Variants in MACROD1 observed in about 807,000 individuals in gnomAD.
MACROD1 encodes the protein mono-ADP ribosylhydrolase 1.
In MACROD1, 31 loss-of-function variants were observed where a neutral mutation model predicts 41.4. That is an observed-to-expected ratio of 0.75 (90% CI 0.56 to 1.01). The LOEUF (loss-of-function observed/expected upper bound fraction) is 1.01. Among genes scored for constraint, MACROD1 ranks in the 50% least tolerant of loss-of-function variants. MACROD1 has a pLI of 0.00. For synonymous variants in MACROD1, 252 were observed against 203.4 expected (o/e 1.24, Z -2.03); for missense variants, 473 against 460.0 (o/e 1.03, Z -0.26).
intron 3 of MACROD1, among the ~76,000 whole-genome samples, chr11:64,101,489 C>G (rs942318331): frequency 2.6e-5 from 4 of 152,140 alleles, no homozygotes; most frequent in African/African-American, 9.7e-5. Context: ...TCCCAGGACA[C>G]GGCAATCATC....
chr11:64,038,850 C>G (rs577483899), intron 3 of MACROD1, among the ~76,000 whole-genome samples: 1 of 152,318 alleles, frequency 6.6e-6, no homozygotes, highest in Middle Eastern at 3.4e-3. Flanking sequence ...GGTTTCTCTA[C>G]CTGGCCTGCT....
At chr11:64,038,431 C>T (rs1052599823) in intron 3 of MACROD1, among the ~76,000 whole-genome samples, 8 of 152,184 alleles carry the variant, frequency 5.3e-5, no homozygotes, top group Admixed American at 5.2e-4. Flanking sequence ...GTGCTTGCTT[C>T]GAAGTTAGCT....
Position 64,067,374 on chromosome 11 carries a change from A to T in MACROD1, c.518-52093T>A, listed in dbSNP as rs1341320306. 6.6e-6 allele frequency among the ~76,000 whole-genome samples: 1 copy of T among 152,166 alleles called. No individual in the cohort carries two copies. Among genetic ancestry groups the T allele is most frequent in the East Asian group, 1.9e-4 (1 of 5,184 alleles). On this transcript the variant is annotated intron_variant, in intron 3 of 10. Coordinates refer to ENST00000255681, the MANE Select transcript of MACROD1 (RefSeq NM_014067.4). This position sits in a 1 kb window ranked among gnomAD's most constrained non-coding sequence, Gnocchi z 4.6. ...TTATCGGGCAAAATAGCAGCTGCTGACGTGAAAATGAAATATAGATTCAAT... is the reference window on the plus strand; with the variant it reads ...TTATCGGGCAAAATAGCAGCTGCTGTCGTGAAAATGAAATATAGATTCAAT...
chr11:64,064,993 G>A lies in MACROD1; in HGVS notation c.518-49712C>T, dbSNP rs1013690210. 1.3e-5 allele frequency among the ~76,000 whole-genome samples: 2 copies of A among 152,220 alleles called. No individual in the cohort carries two copies. The highest frequency in any genetic ancestry group is 4.8e-5 in the African/African-American group (2 of 41,454). On this transcript the variant is annotated intron_variant, in intron 3 of 10. Transcript: ENST00000255681. This position sits in a 1 kb window ranked among gnomAD's most constrained non-coding sequence, Gnocchi z 4.5. The stretch of plus-strand genomic sequence containing the variant: ...TCCCTACACTCCAGAGCACAGGCTA[G>A]TTGGAACAAGCCAGAGGCGGGCAAT...
intron 3 of MACROD1, among the ~76,000 whole-genome samples, chr11:64,032,707 T>C (rs1301593584): frequency 6.6e-6 from 1 of 152,096 alleles, no homozygotes; most frequent in African/African-American, 2.4e-5. Flanking sequence ...CCACACTGCC[T>C]TTACCAGTCA....
chr11:64,150,881 C>T (rs1945564898), intron 3 of MACROD1, among the ~76,000 whole-genome samples: 1 of 152,196 alleles, frequency 6.6e-6, no homozygotes, highest in Admixed American at 6.5e-5. Flanking sequence ...CAGGCCAGGC[C>T]AAAGGCAGAG....
At chr11:64,017,751 G>A (rs979088231) in intron 3 of MACROD1, among the ~76,000 whole-genome samples, 3 of 152,104 alleles carry the variant, frequency 2.0e-5, no homozygotes, top group Admixed American at 6.5e-5. Context: ...TCCTGGCAGC[G>A]GTCGGCAGCT....
At chr11:64,022,177 G>C (rs1265071614) in intron 3 of MACROD1, among the ~76,000 whole-genome samples, 1 of 151,940 alleles carries the variant, frequency 6.6e-6, no homozygotes, top group East Asian at 1.9e-4. Flanking sequence ...CTGCTGGGGG[G>C]TTTAGACAGA....
At chr11:64,050,908 C>T (rs776244523) in intron 3 of MACROD1, among the ~76,000 whole-genome samples, 34 of 152,208 alleles carry the variant, frequency 2.2e-4, no homozygotes, top group African/African-American at 3.1e-4. Flanking sequence ...CCTGAGCCAC[C>T]GCGCCCGGCC....
intron 3 of MACROD1, among the ~76,000 whole-genome samples, chr11:64,051,069 A>G (rs1458143945): frequency 6.6e-6 from 1 of 152,096 alleles, no homozygotes; most frequent in Non-Finnish European, 1.5e-5. Context: ...ATTGTGCCCC[A>G]CCGATCTGGA....
chr11:64,103,407 TC>T (rs1341388952), intron 3 of MACROD1: 1 of 152,084 alleles, frequency 6.6e-6, no homozygotes, highest in East Asian at 1.9e-4. Context: ...TGTCAGCAGC[TC>T]CAGCCCCACC....
At chr11:64,155,728 C>T (rs1945657737) in intron 1 of MACROD1, among the ~76,000 whole-genome samples, 1 of 152,150 alleles carries the variant, frequency 6.6e-6, no homozygotes, top group Non-Finnish European at 1.5e-5. Context: ...CTTGGGGAGA[C>T]CAAGGCAAGC....
intron 3 of MACROD1, among the ~76,000 whole-genome samples, chr11:64,150,185 G>A (rs999935967): frequency 6.6e-6 from 1 of 152,230 alleles, no homozygotes; most frequent in African/African-American, 2.4e-5. Flanking sequence ...CGGGGCGGCC[G>A]AGTGAACTCC....
intron 3 of MACROD1, among the ~76,000 whole-genome samples, chr11:64,097,663 C>A (rs1249686475): frequency 1.3e-5 from 2 of 152,260 alleles, no homozygotes. Flanking sequence ...TCGCACCACA[C>A]AAGCAGGCTC....
At chr11:64,091,538 A>G (rs1275449666) in intron 3 of MACROD1, among the ~76,000 whole-genome samples, 3 of 152,076 alleles carry the variant, frequency 2.0e-5, no homozygotes, top group African/African-American at 2.4e-5. Flanking sequence ...GCTGAGGTGC[A>G]TGCCCAGGGA....
chr11:64,060,018 C>T (rs920275053), intron 3 of MACROD1, among the ~76,000 whole-genome samples: 1 of 152,306 alleles, frequency 6.6e-6, no homozygotes, highest in Non-Finnish European at 1.5e-5. Context: ...CAGGGGCCCC[C>T]CTCCCACACG....
intron 1 of MACROD1, among the ~76,000 whole-genome samples, chr11:64,161,590 C>A (rs188404332): frequency 1.1e-4 from 17 of 152,318 alleles, no homozygotes; most frequent in African/African-American, 4.1e-4. Context: ...TAATCAAAGG[C>A]AGAGTCCAGC....
intron 3 of MACROD1, among the ~76,000 whole-genome samples, chr11:64,042,220 TCTC>T (rs1943501294): frequency 6.6e-6 from 1 of 152,088 alleles, no homozygotes. Context: ...CCCACCTTCC[TCTC>T]CTGTCTTCCC....
intron 3 of MACROD1, chr11:64,117,687 A>G: frequency 6.2e-7 from 1 of 1,613,638 alleles, no homozygotes. Context: ...CCTGGGCCAC[A>G]GCCCAGCCGT....
Sources: gnomAD v4.1 joint callset for allele counts (sites outside exome capture counted in the v4.1 genomes callset) on GRCh38, gnomAD v4.1.1 for gene constraint, Gnocchi (gnomAD v3.1) non-coding constraint, MANE v1.5 for transcripts, NCBI Gene and HGNC (gene_info 2026-07-23, HGNC 2026-07-21) for gene names.